Variants in C10orf143 observed in about 807,000 individuals in gnomAD.
C10orf143 encodes the protein uncharacterized protein C10orf143.
intron 1 of C10orf143, chr10:130,107,338 G>A (rs777576280): frequency 9.5e-6 from 10 of 1,057,968 alleles, no homozygotes; most frequent in African/African-American, 1.6e-5. Flanking sequence ...CCTACAGACA[G>A]CGAGCCAAAG....
At chr10:130,045,979 G>A (rs1860665595) in intron 3 of C10orf143, among the ~76,000 whole-genome samples, 1 of 152,062 alleles carries the variant, frequency 6.6e-6, no homozygotes, top group African/African-American at 2.4e-5. Flanking sequence ...TGAGACCAGG[G>A]TGGGGCTCTG....
At chr10:130,097,705 C>T (rs1170432415) in intron 1 of C10orf143, among the ~76,000 whole-genome samples, 1 of 152,062 alleles carries the variant, frequency 6.6e-6, no homozygotes, top group Non-Finnish European at 1.5e-5. Flanking sequence ...TCTATTCACA[C>T]AATGGAATAT....
intron 1 of C10orf143, among the ~76,000 whole-genome samples, chr10:130,081,667 A>C (rs189623328): frequency 6.6e-5 from 10 of 151,582 alleles, no homozygotes; most frequent in Non-Finnish European, 8.8e-5. Flanking sequence ...AAAAACAGAA[A>C]GGCACTTCCA....
chr10:130,081,783 AT>A (rs1306938575), intron 1 of C10orf143, among the ~76,000 whole-genome samples: 1 of 152,052 alleles, frequency 6.6e-6, no homozygotes, highest in East Asian at 1.9e-4. Flanking sequence ...CATGAAATAC[AT>A]TTAAAGCAGT....
chr10:130,059,858 AT>A (rs1336207237), downstream of C10orf143, among the ~76,000 whole-genome samples: 1 of 152,194 alleles, frequency 6.6e-6, no homozygotes, highest in Non-Finnish European at 1.5e-5. Context: ...CAAAATCATC[AT>A]GAAATTGATG....
chr10:130,054,703 G>T (rs1860776368), intron 3 of C10orf143, among the ~76,000 whole-genome samples: 1 of 152,130 alleles, frequency 6.6e-6, no homozygotes, highest in Admixed American at 6.6e-5. Context: ...TTTTAAATGG[G>T]TGTGAGGTGG....
At chr10:130,102,281 T>A (rs946469590) in intron 1 of C10orf143, among the ~76,000 whole-genome samples, 1 of 152,126 alleles carries the variant, frequency 6.6e-6, no homozygotes, top group Non-Finnish European at 1.5e-5. Flanking sequence ...GATATTCGTT[T>A]ATTATTTTTA....
At chr10:130,081,024 C>T (rs1861199050) in intron 1 of C10orf143, among the ~76,000 whole-genome samples, 1 of 152,056 alleles carries the variant, frequency 6.6e-6, no homozygotes, top group South Asian at 2.1e-4. Context: ...GGTTTAAATA[C>T]AAATAATCAC....
chr10:130,099,510 T>A (rs556052383), intron 1 of C10orf143, among the ~76,000 whole-genome samples: 242 of 148,660 alleles, frequency 1.6e-3, no homozygotes, highest in African/African-American at 5.7e-3. Flanking sequence ...CTTCTTTTAT[T>A]TTTATTTATT....
intron 3 of C10orf143, among the ~76,000 whole-genome samples, chr10:130,045,277 G>A (rs2134726295): frequency 6.6e-6 from 1 of 152,356 alleles, no homozygotes; most frequent in East Asian, 1.9e-4. Context: ...CCCTCTGCCT[G>A]CAGGTCGGCG....
intron 3 of C10orf143, among the ~76,000 whole-genome samples, chr10:130,039,110 C>A (rs1264927758): frequency 6.6e-6 from 1 of 151,616 alleles, no homozygotes; most frequent in Non-Finnish European, 1.5e-5. Flanking sequence ...CCAGCCAGTG[C>A]TGCTCTGTCA....
intron 3 of C10orf143, among the ~76,000 whole-genome samples, chr10:130,058,148 G>A (rs542683054): frequency 3.3e-5 from 5 of 152,164 alleles, no homozygotes; most frequent in Non-Finnish European, 5.9e-5. Flanking sequence ...GAGCTTATTC[G>A]AAATGCAGAA....
intron 1 of C10orf143, among the ~76,000 whole-genome samples, chr10:130,082,860 G>C (rs1401604310): frequency 1.3e-5 from 2 of 151,980 alleles, no homozygotes; most frequent in Non-Finnish European, 2.9e-5. Flanking sequence ...TCTAATCTTG[G>C]TGTAGGGAAA....
At chr10:130,063,404 C>T (rs1351020738), downstream of C10orf143, among the ~76,000 whole-genome samples, 1 of 152,238 alleles carries the variant, frequency 6.6e-6, no homozygotes. Flanking sequence ...TACCTTCTCC[C>T]TCTTTCCCGG....
chr10:130,107,398 T>C, intron 1 of C10orf143: 2 of 1,164,822 alleles, frequency 1.7e-6, no homozygotes, highest in Non-Finnish European at 2.6e-6. Context: ...AACGGCAGAT[T>C]ATTTCCCATG....
downstream of C10orf143, among the ~76,000 whole-genome samples, chr10:130,059,356 G>A (rs1374576668): frequency 6.6e-6 from 1 of 151,960 alleles, no homozygotes; most frequent in East Asian, 1.9e-4. Context: ...TAATAAACTG[G>A]GAAAAATATT....
intron 3 of C10orf143, among the ~76,000 whole-genome samples, chr10:130,041,659 T>C (rs541340535): frequency 6.6e-6 from 1 of 152,382 alleles, no homozygotes; most frequent in South Asian, 2.1e-4. Context: ...AGCAGCTATG[T>C]GAATTACTGT....
intron 3 of C10orf143, among the ~76,000 whole-genome samples, chr10:130,054,437 G>A (rs567443269): frequency 2.3e-4 from 35 of 152,284 alleles, no homozygotes; most frequent in African/African-American, 8.4e-4. Flanking sequence ...GGGCATGCAG[G>A]TTGTTTTCAC....
At chr10:130,068,996 G>A (rs1039550352) in intron 3 of C10orf143, among the ~76,000 whole-genome samples, 1 of 152,102 alleles carries the variant, frequency 6.6e-6, no homozygotes, top group Non-Finnish European at 1.5e-5. Context: ...TTAAAATAAT[G>A]GCCAAAGACT....
Sources: gnomAD v4.1 joint callset for allele counts (sites outside exome capture counted in the v4.1 genomes callset) on GRCh38, gnomAD v4.1.1 for gene constraint, MANE v1.5 for transcripts, NCBI Gene and HGNC (gene_info 2026-07-23, HGNC 2026-07-21) for gene names.